Variants in TDRD12 observed in about 807,000 individuals in gnomAD.
TDRD12 encodes the protein tudor domain containing 12.
TDRD12 carries 158 observed loss-of-function variants against 133.5 expected under a neutral mutation model. The ratio of observed to expected loss-of-function variants is 1.18; its 90% confidence interval spans 1.04 to 1.35. TDRD12 has a LOEUF of 1.35. Ranked by LOEUF, TDRD12 falls within the 40% of genes most tolerant of loss-of-function variation. The pLI, the probability that TDRD12 is intolerant of heterozygous loss-of-function variation, is 0.00. For missense variants in TDRD12, 1,443 were observed against 1,321.3 expected (o/e 1.09, Z -1.43); for synonymous variants, 460 against 477.9 (o/e 0.96, Z 0.49).
At chr19:32,803,406 T>A (rs1292997387) in intron 21 of TDRD12, among the ~76,000 whole-genome samples, 1 of 152,234 alleles carries the variant, frequency 6.6e-6, no homozygotes, top group Non-Finnish European at 1.5e-5. Context: ...CTCAGCCTCA[T>A]GTCTGTGACA....
chr19:32,720,077 T>C (rs1363632397), exon 1 of TDRD12: 2 of 1,548,038 alleles, frequency 1.3e-6, no homozygotes, highest in African/African-American at 1.4e-5. Flanking sequence ...AGGAGGATGC[T>C]CCAGCTCCTG....
downstream of TDRD12, chr19:32,821,407 T>TGTGTGC (rs1967389903): frequency 6.9e-6 from 1 of 144,464 alleles, no homozygotes; most frequent in Non-Finnish European, 1.1e-5. Context: ...TGTGTGTGTG[T>TGTGTGC]GTGCGTGTGA....
chr19:32,801,164 A>C (rs1971376189), intron 18 of TDRD12, among the ~76,000 whole-genome samples: 1 of 151,694 alleles, frequency 6.6e-6, no homozygotes, highest in African/African-American at 2.4e-5. Context: ...CCAGGAGTTC[A>C]AGACCAGCCT....
intron 2 of TDRD12, among the ~76,000 whole-genome samples, chr19:32,733,914 CAG>C (rs1386386743): frequency 7.1e-6 from 1 of 141,822 alleles, no homozygotes; most frequent in African/African-American, 2.7e-5. Context: ...TTTTTTGAGA[CAG>C]AGTCTTGTTC....
intron 5 of TDRD12, among the ~76,000 whole-genome samples, chr19:32,748,979 A>G (rs1003603731): frequency 6.6e-6 from 1 of 152,222 alleles, no homozygotes; most frequent in African/African-American, 2.4e-5. Context: ...TTTTTATTTT[A>G]TATCAGTGAC....
rs148993418 is a variant in TDRD12 at position 32,815,986 on chromosome 19, A to G, written c.3314+366A>G. On this transcript the variant is annotated intron_variant, in intron 26 of 27. Coordinates refer to ENST00000444215, the Ensembl canonical transcript of TDRD12. Reference sequence around the variant, plus strand: ...TCCAGCCTGGCGACAGAGTGAGACTACGTCTCAAAAAAGAAAAAAAAAAAA... The same window carrying G: ...TCCAGCCTGGCGACAGAGTGAGACTGCGTCTCAAAAAAGAAAAAAAAAAAA... Among the ~76,000 whole-genome samples, 871 of 149,294 alleles carry G rather than the reference A, an allele frequency of 5.8e-3. 9 individuals carry two copies. Among genetic ancestry groups the G allele is most frequent in the African/African-American group, 0.02 (818 of 39,910 alleles).
At chr19:32,810,895 A>G (rs1192473641) in intron 23 of TDRD12, among the ~76,000 whole-genome samples, 1 of 152,214 alleles carries the variant, frequency 6.6e-6, no homozygotes, top group Admixed American at 6.5e-5. Context: ...TTGTCTCTAC[A>G]AAAAACAAAC....
At chr19:32,816,596 C>T (rs565062876) in intron 26 of TDRD12, among the ~76,000 whole-genome samples, 1 of 152,290 alleles carries the variant, frequency 6.6e-6, no homozygotes, top group East Asian at 1.9e-4. Flanking sequence ...TAAACATTAC[C>T]GTACATGTCT....
intron 25 of TDRD12, among the ~76,000 whole-genome samples, chr19:32,814,419 T>C (rs952162720): frequency 2.0e-5 from 3 of 152,206 alleles, no homozygotes; most frequent in Non-Finnish European, 4.4e-5. Flanking sequence ...ATAAAAACTT[T>C]TGCTGAATGT....
chr19:32,806,344 T>TTG (rs910487340), intron 21 of TDRD12, among the ~76,000 whole-genome samples: 1 of 149,924 alleles, frequency 6.7e-6, no homozygotes, highest in African/African-American at 2.5e-5. Context: ...CGAGTTTTTT[T>TTG]TTTTTTTTTT....
intron 11 of TDRD12, among the ~76,000 whole-genome samples, chr19:32,780,814 G>A (rs1156579585): frequency 6.7e-6 from 1 of 150,350 alleles, no homozygotes; most frequent in African/African-American, 2.4e-5. Context: ...TTTTTAATGG[G>A]GTCTCACTGT....
At chr19:32,789,727 G>A (rs1045489867) in intron 11 of TDRD12, among the ~76,000 whole-genome samples, 4 of 152,178 alleles carry the variant, frequency 2.6e-5, no homozygotes, top group Admixed American at 6.6e-5. Context: ...AGGGCCGGGC[G>A]CAGTGGCTCA....
At chr19:32,763,094 C>T (rs1970196541) in intron 8 of TDRD12, among the ~76,000 whole-genome samples, 1 of 152,164 alleles carries the variant, frequency 6.6e-6, no homozygotes, top group African/African-American at 2.4e-5. Flanking sequence ...TATGAGACCA[C>T]CATCGTATAT....
At chr19:32,787,471 C>T (rs1970940712) in intron 11 of TDRD12, among the ~76,000 whole-genome samples, 1 of 152,312 alleles carries the variant, frequency 6.6e-6, no homozygotes, top group African/African-American at 2.4e-5. Context: ...CAGGCAGGGA[C>T]GTTTAAGTCT....
chr19:32,779,799 T>C lies in TDRD12; in HGVS notation c.1121+2570T>C, dbSNP rs114395752. Among the ~76,000 whole-genome samples, 509 of 152,260 alleles carry C rather than the reference T, an allele frequency of 3.3e-3. 1 individual carries two copies. Among genetic ancestry groups the C allele is most frequent in the African/African-American group, 0.012 (496 of 41,542 alleles). On this transcript the variant is annotated intron_variant, in intron 11 of 27. Coordinates refer to ENST00000444215, the Ensembl canonical transcript of TDRD12. The stretch of plus-strand genomic sequence containing the variant: ...CTTTTGGACTTTGACAATGCAGCCA[T>C]ATGTGCTGCGGGGAGTACTTTCATA...
chr19:32,754,669 C>CTTTTTTTTTTTT (rs35714049), intron 6 of TDRD12, among the ~76,000 whole-genome samples: 5 of 70,074 alleles, frequency 7.1e-5, no homozygotes, highest in East Asian at 5.4e-4. Context: ...ATGACTCTAT[C>CTTTTTTTTTTTT]TTTTTTTTTT....
At chr19:32,800,064 A>C in intron 16 of TDRD12, 103 bp from the exon 17 acceptor site, 1 of 733,510 alleles carries the variant, frequency 1.4e-6, no homozygotes, top group Non-Finnish European at 2.1e-6. Context: ...GACTTTCTCC[A>C]CTCTGAGAAC....
Position 32,799,964 on chromosome 19 carries a change from G to A in TDRD12, c.1759-203G>A, listed in dbSNP as rs191050270. 4.4e-3 allele frequency among the ~76,000 whole-genome samples: 674 copies of A among 151,914 alleles called. 5 individuals are homozygous for A. Among genetic ancestry groups the A allele is most frequent in the African/African-American group, 0.015 (639 of 41,462 alleles). ...TTGGCCAGGCTGGTCTTGAATTCCT[G>A]ACCTCATGATCCGCCTGCCTCAGCC... is the stretch of plus-strand genomic sequence containing the variant. On this transcript the variant is annotated intron_variant, in intron 16 of 27. Transcript: ENST00000444215.
In TDRD12 at chr19:32,772,790, T is replaced by A. The variant is rs781292950; in HGVS notation, c.903T>A (p.Asp301Glu). Reference sequence around the variant, plus strand: ...AATGTAATATGGATTCATTGAGAGATTCACCTAAAGACAAATCTGAAAAGA... The same window carrying A: ...AATGTAATATGGATTCATTGAGAGAATCACCTAAAGACAAATCTGAAAAGA... The change falls in exon 9 of 28, where the codon GAT (aspartate) becomes GAA (glutamate). Residue 301 changes from aspartate to glutamate, a missense_variant. Physicochemically the swap from Asp to Glu is conservative, Grantham distance 45. Coordinates refer to ENST00000444215, the Ensembl canonical transcript of TDRD12. 1.2e-5 allele frequency: 18 copies of A among 1,517,590 alleles called. No homozygotes were observed. Among genetic ancestry groups the A allele is most frequent in the Non-Finnish European group, 1.5e-5 (17 of 1,135,214 alleles). 94.0% of individuals were successfully genotyped at this position (1,517,590 alleles called of 1,614,324 possible). A position where few individuals can be genotyped will look rare whatever the true frequency, so the allele number is the denominator to read the frequency against.
Sources: allele counts gnomAD v4.1 joint callset (sites outside exome capture counted in the v4.1 genomes callset), GRCh38; gene constraint gnomAD v4.1.1; transcripts MANE v1.5; gene names NCBI Gene and HGNC (gene_info 2026-07-23, HGNC 2026-07-21).